Variants in PDE1A observed in about 807,000 individuals in gnomAD.
The protein encoded by PDE1A is phosphodiesterase 1A.
A neutral mutation model predicts 61.7 loss-of-function variants in PDE1A; 35 were observed. That is an observed-to-expected ratio of 0.57 (90% CI 0.43 to 0.75). PDE1A has a LOEUF of 0.75. Among genes scored for constraint, PDE1A ranks in the 30% least tolerant of loss-of-function variants. PDE1A has a pLI of 0.00. For missense variants in PDE1A, 597 were observed against 630.6 expected (o/e 0.95, Z 0.57); for synonymous variants, 232 against 213.2 (o/e 1.09, Z -0.77).
At chr2:182,657,476 AG>A in the PDE1A span, among the ~76,000 whole-genome samples, 7 of 152,358 alleles carry the variant, frequency 4.6e-5, no homozygotes, top group African/African-American at 1.4e-4. Flanking sequence ...GCCAGACCTT[AG>A]CAAAATCCTA....
At chr2:182,655,455 T>C in the PDE1A span, among the ~76,000 whole-genome samples, 1 of 152,224 alleles carries the variant, frequency 6.6e-6, no homozygotes, top group Admixed American at 6.5e-5. Flanking sequence ...CCCTGGCTAA[T>C]GGCCACAAGA....
chr2:182,539,282 A>G, the PDE1A span, among the ~76,000 whole-genome samples: 1 of 152,202 alleles, frequency 6.6e-6, no homozygotes, highest in African/African-American at 2.4e-5. Context: ...AAGATTATAA[A>G]CAAAAGAGGC....
intron 2 of PDE1A, among the ~76,000 whole-genome samples, chr2:182,485,830 T>A (rs1189230888): frequency 6.6e-6 from 1 of 151,948 alleles, no homozygotes; most frequent in African/African-American, 2.4e-5. Flanking sequence ...AAACAAAGCA[T>A]AGAAAGAAAC....
chr2:182,337,864 T>C (rs1454887378), intron 1 of PDE1A, among the ~76,000 whole-genome samples: 1 of 152,216 alleles, frequency 6.6e-6, no homozygotes, highest in African/African-American at 2.4e-5. Flanking sequence ...TTATTAGTAA[T>C]GTCTATGTCA....
intron 8 of PDE1A, among the ~76,000 whole-genome samples, chr2:182,203,530 A>G (rs891690803): frequency 6.6e-6 from 1 of 152,228 alleles, no homozygotes; most frequent in Non-Finnish European, 1.5e-5. Flanking sequence ...ATATTTGAAA[A>G]GCAACTGAAT....
chr2:182,268,214 C>A (rs373213645), intron 1 of PDE1A, among the ~76,000 whole-genome samples: 1 of 151,818 alleles, frequency 6.6e-6, no homozygotes, highest in Non-Finnish European at 1.5e-5. Context: ...TGGATGAGGA[C>A]GGCTACTGTG....
At chr2:182,416,606 C>T (rs1279983999) in intron 1 of PDE1A, among the ~76,000 whole-genome samples, 1 of 152,018 alleles carries the variant, frequency 6.6e-6, no homozygotes, top group African/African-American at 2.4e-5. Flanking sequence ...TTCTTGAGGA[C>T]AGGCTATCTT....
downstream of PDE1A, among the ~76,000 whole-genome samples, chr2:182,143,576 C>T (rs913286436): frequency 1.1e-4 from 16 of 151,956 alleles, no homozygotes; most frequent in Non-Finnish European, 1.9e-4. Context: ...AGTGCAGTGG[C>T]GCCATCTCGG....
the PDE1A span, among the ~76,000 whole-genome samples, chr2:182,629,431 G>A: frequency 6.6e-6 from 1 of 152,094 alleles, no homozygotes; most frequent in African/African-American, 2.4e-5. Context: ...TCAGATAACA[G>A]GTGATGAAGT....
the PDE1A span, among the ~76,000 whole-genome samples, chr2:182,587,284 C>T: frequency 5.6e-3 from 846 of 152,212 alleles, 22 homozygotes; most frequent in Admixed American, 0.048. Flanking sequence ...GGGTCCCCTG[C>T]CCTGACTCTT....
intron 2 of PDE1A, among the ~76,000 whole-genome samples, chr2:182,501,386 G>A (rs1559519364): frequency 1.3e-5 from 2 of 152,260 alleles, no homozygotes; most frequent in East Asian, 1.9e-4. Flanking sequence ...AACTTCTATT[G>A]TTGTATAGGC....
chr2:182,473,115 C>A (rs1026231753), intron 2 of PDE1A, among the ~76,000 whole-genome samples: 10 of 151,722 alleles, frequency 6.6e-5, no homozygotes, highest in South Asian at 2.1e-4. Context: ...CTATCCCTCC[C>A]CCCTCAACCC....
At chr2:182,249,483 C>T (rs891447355) in intron 2 of PDE1A, among the ~76,000 whole-genome samples, 1 of 152,108 alleles carries the variant, frequency 6.6e-6, no homozygotes, top group East Asian at 1.9e-4. Flanking sequence ...GTCAGGCCCC[C>T]TGAAGTGGGG....
intron 13 of PDE1A, among the ~76,000 whole-genome samples, chr2:182,175,187 C>T (rs543046273): frequency 1.3e-5 from 2 of 152,074 alleles, no homozygotes; most frequent in Non-Finnish European, 2.9e-5. Flanking sequence ...CTATTGTGAA[C>T]AGTGCTGCAA....
the PDE1A span, among the ~76,000 whole-genome samples, chr2:182,627,372 ATTTATTATATAATATATAATG>A: frequency 8.2e-6 from 1 of 121,422 alleles, no homozygotes; most frequent in Non-Finnish European, 1.6e-5. Context: ...TATATTTAAT[ATTTATTATATAATATATAATG>A]TATATTATAT....
At chr2:182,171,790 C>T (rs570830661) in intron 13 of PDE1A, among the ~76,000 whole-genome samples, 2 of 151,312 alleles carry the variant, frequency 1.3e-5, no homozygotes, top group African/African-American at 4.8e-5. Context: ...AGAGAACTGT[C>T]TCTGAGAGCT....
intron 1 of PDE1A, among the ~76,000 whole-genome samples, chr2:182,283,487 T>C (rs935553059): frequency 1.3e-5 from 2 of 151,854 alleles, no homozygotes. Flanking sequence ...ACACAAATTA[T>C]TAGATTTGAG....
intron 13 of PDE1A, among the ~76,000 whole-genome samples, chr2:182,168,840 A>G (rs1023764527): frequency 6.6e-6 from 1 of 152,054 alleles, no homozygotes; most frequent in Non-Finnish European, 1.5e-5. Context: ...ATATGCTAAC[A>G]ACAACAACAA....
At chr2:182,527,325 A>ATATATATGT (rs1690790317), upstream of PDE1A, among the ~76,000 whole-genome samples, 1 of 38,132 alleles carries the variant, frequency 2.6e-5, no homozygotes, top group African/African-American at 1.2e-4. Context: ...AAAAAAAAAA[A>ATATATATGT]AAATATATAT....
Sources: allele counts gnomAD v4.1 joint callset (sites outside exome capture counted in the v4.1 genomes callset), GRCh38; gene constraint gnomAD v4.1.1; transcripts MANE v1.5; gene names NCBI Gene and HGNC (gene_info 2026-07-23, HGNC 2026-07-21).